Variants in LRP1B observed in about 807,000 individuals in gnomAD.
LRP1B encodes the protein low-density lipoprotein receptor-related protein 1B.
In LRP1B, 217 loss-of-function variants were observed where a neutral mutation model predicts 556.6. The observed-to-expected ratio is 0.39, with a 90% CI of 0.35 to 0.44. The LOEUF is 0.44. Among genes scored for constraint, LRP1B ranks in the 20% least tolerant of loss-of-function variants. The probability of loss-of-function intolerance (pLI) is 1.00; values close to 1 mark genes in which losing one functional copy is unlikely to be tolerated. For synonymous variants in LRP1B, 2,047 were observed against 1,865.8 expected, an observed-to-expected ratio of 1.10 and a Z score of -2.50; for missense variants, 5,053 against 5,620.8, an observed-to-expected ratio of 0.90 and a Z score of 3.23.
chr2:140,787,839 A>G (rs1689962688), intron 32 of LRP1B, among the ~76,000 whole-genome samples: 1 of 152,054 alleles, frequency 6.6e-6, no homozygotes, highest in African/African-American at 2.4e-5. Flanking sequence ...CCTCTCAAAA[A>G]GCTGCGATTA....
At chr2:140,891,949 A>T (rs1453732668) in intron 23 of LRP1B, among the ~76,000 whole-genome samples, 2 of 152,088 alleles carry the variant, frequency 1.3e-5, no homozygotes, top group South Asian at 4.1e-4. Context: ...AATTCTTTTC[A>T]TTAACAAGTT....
At chr2:140,558,827 T>C (rs1243396681) in intron 43 of LRP1B, among the ~76,000 whole-genome samples, 2 of 151,722 alleles carry the variant, frequency 1.3e-5, no homozygotes, top group African/African-American at 4.8e-5. Context: ...TTCCAGCTAC[T>C]CAGGAGGCTG....
chr2:140,415,296 C>T (rs1168720398), intron 66 of LRP1B, among the ~76,000 whole-genome samples: 2 of 151,538 alleles, frequency 1.3e-5, no homozygotes, highest in African/African-American at 4.8e-5. Context: ...CTGCTTTTGC[C>T]CTTTGTCCTG....
In LRP1B at chr2:140,598,698, T is replaced by C; in HGVS notation, c.7127A>G (p.Lys2376Arg). ...TAGACTGCCATCTGAGAAATACAGC[T>C]TCTCTGCACGGTAGTCGATAGTAAG... ...NGLTIDYRAE[K>R]LYFSDGSLGK... The change falls in exon 43 of 91, where the codon AAG (lysine) becomes AGG (arginine). Residue 2376 changes from lysine to arginine, a missense_variant. Physicochemically the swap from Lys to Arg is conservative, Grantham distance 26. Coordinates refer to ENST00000389484, the MANE Select transcript of LRP1B (RefSeq NM_018557.3). 1 of 1,613,830 alleles carries C rather than the reference T, an allele frequency of 6.2e-7. No individual in the cohort carries two copies. Among genetic ancestry groups the C allele is most frequent in the Non-Finnish European group, 8.5e-7 (1 of 1,179,824 alleles).
intron 1 of LRP1B, among the ~76,000 whole-genome samples, chr2:141,969,691 A>G (rs996761389): frequency 6.6e-6 from 1 of 151,660 alleles, no homozygotes; most frequent in African/African-American, 2.4e-5. Flanking sequence ...GCTATTGGGA[A>G]TAGTGCTACA....
At chr2:142,006,298 G>T (rs145393314) in intron 1 of LRP1B, among the ~76,000 whole-genome samples, 2 of 152,110 alleles carry the variant, frequency 1.3e-5, no homozygotes, top group Admixed American at 6.5e-5. Context: ...GCAATAGAAG[G>T]GTTAATCAAA....
intron 41 of LRP1B, among the ~76,000 whole-genome samples, chr2:140,621,067 T>A (rs1006700656): frequency 2.6e-5 from 4 of 152,034 alleles, no homozygotes; most frequent in African/African-American, 7.2e-5. Flanking sequence ...ACAGTTTTTT[T>A]AACTTTATTA....
At chr2:140,868,757 T>C (rs1693032284) in intron 25 of LRP1B, among the ~76,000 whole-genome samples, 1 of 152,070 alleles carries the variant, frequency 6.6e-6, no homozygotes, top group Non-Finnish European at 1.5e-5. Context: ...TTATGGGTCT[T>C]GTAGGGTAAG....
chr2:140,398,733 C>T (rs1002040293), intron 66 of LRP1B, among the ~76,000 whole-genome samples: 4 of 152,010 alleles, frequency 2.6e-5, no homozygotes, highest in Admixed American at 6.6e-5. Flanking sequence ...TCTTTGAACA[C>T]GAAAACTGTA....
At chr2:140,251,766 G>A (rs1197892070) in intron 86 of LRP1B, among the ~76,000 whole-genome samples, 2 of 151,544 alleles carry the variant, frequency 1.3e-5, no homozygotes, top group African/African-American at 2.4e-5. Context: ...ATGTCTCAGT[G>A]CCCTTAAAAT....
At chr2:141,629,070 G>A (rs1478077862) in intron 2 of LRP1B, among the ~76,000 whole-genome samples, 1 of 152,184 alleles carries the variant, frequency 6.6e-6, no homozygotes, top group African/African-American at 2.4e-5. Context: ...CACTCCATAT[G>A]AGACAAAGCC....
chr2:141,025,562 G>A (rs781268618), intron 11 of LRP1B, among the ~76,000 whole-genome samples: 1 of 152,046 alleles, frequency 6.6e-6, no homozygotes, highest in Non-Finnish European at 1.5e-5. Flanking sequence ...AAGGCCTTAA[G>A]AATAGATTGG....
intron 2 of LRP1B, among the ~76,000 whole-genome samples, chr2:141,749,747 T>C (rs753064912): frequency 6.6e-6 from 1 of 152,024 alleles, no homozygotes; most frequent in Non-Finnish European, 1.5e-5. Flanking sequence ...CTCTGGTCCA[T>C]ATACATATGT....
chr2:141,550,260 A>G (rs1316660382), intron 2 of LRP1B, among the ~76,000 whole-genome samples: 1 of 152,204 alleles, frequency 6.6e-6, no homozygotes, highest in African/African-American at 2.4e-5. Flanking sequence ...TATAAGAAGA[A>G]AAAGCACAAA....
At chr2:140,295,941 T>C (rs1683585010) in intron 84 of LRP1B, among the ~76,000 whole-genome samples, 1 of 151,954 alleles carries the variant, frequency 6.6e-6, no homozygotes, top group African/African-American at 2.4e-5. Flanking sequence ...TGGTGAGAAG[T>C]ATTCAGATGT....
intron 43 of LRP1B, among the ~76,000 whole-genome samples, chr2:140,577,398 G>A (rs10164451): frequency 0.035 from 5,322 of 150,798 alleles, 311 homozygotes; most frequent in African/African-American, 0.12. Context: ...CAGGAGAATC[G>A]CTTGAACTTT....
chr2:141,035,189 A>T (rs1574003869), intron 11 of LRP1B, among the ~76,000 whole-genome samples: 1 of 144,276 alleles, frequency 6.9e-6, no homozygotes, highest in Non-Finnish European at 1.5e-5. Flanking sequence ...GGAACATCAC[A>T]CTCTGGTGAC....
intron 31 of LRP1B, among the ~76,000 whole-genome samples, chr2:140,830,466 T>C (rs1380942900): frequency 6.6e-6 from 1 of 152,092 alleles, no homozygotes; most frequent in African/African-American, 2.4e-5. Context: ...TTAATAAATA[T>C]GATAAATCAC....
chr2:141,730,960 A>C (rs906648), intron 2 of LRP1B, among the ~76,000 whole-genome samples: 83,398 of 151,902 alleles, frequency 0.55, 23,837 homozygotes, highest in Non-Finnish European at 0.63. Context: ...TCTAATAGCC[A>C]ATCCGGAATT....
Sources: allele counts gnomAD v4.1 joint callset (sites outside exome capture counted in the v4.1 genomes callset), GRCh38; gene constraint gnomAD v4.1.1; transcripts MANE v1.5; gene names NCBI Gene and HGNC (gene_info 2026-07-23, HGNC 2026-07-21).